NDC1: variants seen among roughly 807,000 people sequenced by gnomAD.
NDC1 encodes the protein nucleoporin NDC1.
In NDC1, 24 loss-of-function variants were observed where a neutral mutation model predicts 89.8. The ratio of observed to expected loss-of-function variants is 0.27; its 90% CI spans 0.19 to 0.38. NDC1 has a LOEUF of 0.38. Among genes scored for constraint, NDC1 ranks in the 10% least tolerant of loss-of-function variants. The pLI, the probability that NDC1 is intolerant of heterozygous loss-of-function variation, is 1.00. For synonymous variants in NDC1, 296 were observed against 284.8 expected, an observed-to-expected ratio of 1.04 and a Z score of -0.39; for missense variants, 728 against 797.6, an observed-to-expected ratio of 0.91 and a Z score of 1.05.
chr1:53,773,731 T>C (rs966696491), intron 16 of NDC1, among the ~76,000 whole-genome samples: 1 of 152,152 alleles, frequency 6.6e-6, no homozygotes, highest in African/African-American at 2.4e-5. Context: ...TCTAGTATCC[T>C]GACTACAGGG....
chr1:53,836,274 C>T (rs750432795), intron 1 of NDC1, among the ~76,000 whole-genome samples: 1 of 152,092 alleles, frequency 6.6e-6, no homozygotes, highest in East Asian at 1.9e-4. Context: ...TGAGGCCGGG[C>T]GTGGTGGCTC....
chr1:53,830,019 C>T (rs1281320805), intron 3 of NDC1, among the ~76,000 whole-genome samples: 1 of 151,870 alleles, frequency 6.6e-6, no homozygotes, highest in Non-Finnish European at 1.5e-5. Flanking sequence ...GGCGAGGTGG[C>T]AGGCAACTGT....
At chr1:53,808,281 C>G (rs1048840010) in intron 7 of NDC1, among the ~76,000 whole-genome samples, 1 of 152,198 alleles carries the variant, frequency 6.6e-6, no homozygotes, top group Admixed American at 6.5e-5. Context: ...CTAAGTAAAG[C>G]TAATGCTGCC....
At chr1:53,837,006 T>C (rs1393892559) in intron 1 of NDC1, among the ~76,000 whole-genome samples, 2 of 152,182 alleles carry the variant, frequency 1.3e-5, no homozygotes, top group Non-Finnish European at 2.9e-5. Context: ...GTCAGCCAAG[T>C]GCGGTGGCTC....
chr1:53,772,713 TAACATAACAA>T lies in NDC1; in HGVS notation c.1801-234_1801-225del, dbSNP rs1469607228. ...TAACATAACATAACATAACATAACA[TAACATAACAA>T]AACAAAACAAACATAATATAACATA... On this transcript the variant is annotated intron_variant, in intron 16 of 17. Coordinates refer to ENST00000371429, the MANE Select transcript of NDC1 (RefSeq NM_018087.5). Among the ~76,000 whole-genome samples, 525 of 146,892 alleles carry T rather than the reference TAACATAACAA, an allele frequency of 3.6e-3. 6 individuals are homozygous for T. The highest frequency in any genetic ancestry group is 0.013 in the African/African-American group (500 of 39,494).
chr1:53,784,743 A>G (rs1305097585), intron 16 of NDC1, among the ~76,000 whole-genome samples: 2 of 152,058 alleles, frequency 1.3e-5, no homozygotes, highest in Non-Finnish European at 2.9e-5. Context: ...GTGAGCTGAG[A>G]TCACACCACT....
intron 17 of NDC1, chr1:53,771,118 C>A (rs1011607557): frequency 2.6e-5 from 5 of 194,968 alleles, no homozygotes; most frequent in African/African-American, 7.0e-5. Flanking sequence ...CCTGCCTGGA[C>A]ATGAGCACAG....
rs1263871953 is a variant in NDC1 at position 53,833,634 on chromosome 1, CA to C, written c.179-1044del. 2.8e-4 allele frequency among the ~76,000 whole-genome samples: 42 copies of C among 151,576 alleles called. 1 individual carries two copies. Among genetic ancestry groups the C allele is most frequent in the Non-Finnish European group, 2.9e-5 (2 of 67,908 alleles). ...CATCTAAACGAGCGGAACTCAAAAA[CA>C]AAAAAATCAGGATGCCCCCATGAAA... On this transcript the variant is annotated intron_variant, in intron 2 of 17. Transcript: ENST00000371429.
Position 53,781,910 on chromosome 1 carries a change from G to A in NDC1, c.1800+5248C>T, listed in dbSNP as rs1022356482. ...CTTCGTCCACTGAACCAGCAATGATGCAATCCAGCAGCCATCCAACAAGCA... is the reference window on the plus strand; with the variant it reads ...CTTCGTCCACTGAACCAGCAATGATACAATCCAGCAGCCATCCAACAAGCA... On this transcript the variant is annotated intron_variant, in intron 16 of 17. Coordinates refer to ENST00000371429, the MANE Select transcript of NDC1 (RefSeq NM_018087.5). 3.9e-5 allele frequency among the ~76,000 whole-genome samples: 6 copies of A among 152,282 alleles called. No homozygotes were observed. The East Asian group carries it at 1.2e-3, about 29-fold the overall frequency.
Position 53,789,161 on chromosome 1 carries a change from A to C in NDC1, c.1671T>G (p.Asp557Glu). The change falls in exon 15 of 18, where the codon GAT becomes GAG. Residue 557 changes from aspartate to glutamate, a missense_variant. By Grantham distance (45) the Asp-to-Glu change is conservative. Transcript: ENST00000371429. ...CTAATGCCCAAATATGCATTTGGGC[A>C]TCTGAAAAAACAGCCTGAATGGAGG... is the stretch of plus-strand genomic sequence containing the variant. ...PEASIQAVFS[D>E]AQMHIWALEG... The C allele has an allele frequency of 6.2e-7, 1 of 1,610,114 alleles. No homozygotes were observed. The highest frequency in any genetic ancestry group is 8.5e-7 in the Non-Finnish European group (1 of 1,178,020).
Position 53,825,837 on chromosome 1 carries a change from A to C in NDC1, c.555T>G (p.Phe185Leu). ...ATGGAAGATAGTTCATGTTGTTAAC[A>C]AAATACAGGAGGCTATAGCTATAGC... ...FMGYSYSLLY[F>L]VNNMNYLPFP... The change falls in exon 5 of 18, where the codon TTT becomes TTG. Residue 185 changes from phenylalanine to leucine, a missense_variant. Physicochemically the swap from Phe to Leu is conservative, Grantham distance 22. Coordinates refer to ENST00000371429, the MANE Select transcript of NDC1 (RefSeq NM_018087.5). 10 of 1,602,482 alleles carry C rather than the reference A, an allele frequency of 6.2e-6. No individual in the cohort carries two copies. The highest frequency in any genetic ancestry group is 8.5e-6 in the Non-Finnish European group (10 of 1,176,718).
chr1:53,789,182 G>A lies in NDC1; in HGVS notation c.1650C>T (p.Ser550=). The change falls in exon 15 of 18, where the codon TCC becomes TCT. Residue 550 remains serine (S), a synonymous_variant. Transcript: ENST00000371429. ...MYFFSKHPEA[S]IQAVFSDAQM... is the part of the protein sequence containing the mutation. ...GGGCATCTGAAAAAACAGCCTGAAT[G>A]GAGGCCTCTGGGTGCTACAAATAAA... The A allele has an allele frequency of 1.9e-6, 3 of 1,609,744 alleles. No individual in the cohort carries two copies. The highest frequency in any genetic ancestry group is 2.5e-6 in the Non-Finnish European group (3 of 1,177,410).
At chr1:53,770,845 G>C (rs965663630) in intron 17 of NDC1, among the ~76,000 whole-genome samples, 1 of 146,508 alleles carries the variant, frequency 6.8e-6, no homozygotes, top group African/African-American at 2.5e-5. Flanking sequence ...GGTAGAGACG[G>C]GGTTTCACCA....
chr1:53,836,451 C>CAAAAAAAA (rs1245566049), intron 1 of NDC1, among the ~76,000 whole-genome samples: 1 of 94,158 alleles, frequency 1.1e-5, no homozygotes, highest in Non-Finnish European at 2.4e-5. Flanking sequence ...CTCTGTCTAA[C>CAAAAAAAA]AAAAAAAAAA....
intron 5 of NDC1, 143 bp downstream of exon 5, chr1:53,825,655 T>A (rs968196488): frequency 3.9e-5 from 27 of 692,328 alleles, no homozygotes; most frequent in Admixed American, 1.3e-4. Flanking sequence ...CTCTTCTCGC[T>A]AAATGGCATT....
chr1:53,783,445 C>G (rs138921573), intron 16 of NDC1, among the ~76,000 whole-genome samples: 59 of 152,210 alleles, frequency 3.9e-4, no homozygotes, highest in African/African-American at 1.4e-3. Flanking sequence ...GTCACTGGTC[C>G]TGTTCTCTTT....
chr1:53,805,881 T>G (rs1381199784), intron 9 of NDC1, among the ~76,000 whole-genome samples: 1 of 152,156 alleles, frequency 6.6e-6, no homozygotes, highest in Non-Finnish European at 1.5e-5. Context: ...GAGACCATCC[T>G]GGCTAACACG....
intron 3 of NDC1, 127 bp from the exon 4 acceptor site, chr1:53,828,300 T>A: frequency 2.6e-6 from 2 of 779,132 alleles, no homozygotes; most frequent in Non-Finnish European, 3.7e-6. Context: ...TCAACGCAAA[T>A]ACAATACAGA....
chr1:53,822,669 G>T (rs1012773443), intron 5 of NDC1, among the ~76,000 whole-genome samples: 3 of 151,606 alleles, frequency 2.0e-5, no homozygotes, highest in African/African-American at 7.3e-5. Flanking sequence ...TTATCAATAT[G>T]ATATTTAAAT....
Sources: gnomAD v4.1 joint callset for allele counts (sites outside exome capture counted in the v4.1 genomes callset) on GRCh38, gnomAD v4.1.1 for gene constraint, MANE v1.5 for transcripts, NCBI Gene and HGNC (gene_info 2026-07-23, HGNC 2026-07-21) for gene names.